Variants in CCDC39 observed in about 807,000 individuals in gnomAD.
CCDC39 encodes coiled-coil domain 39 molecular ruler complex subunit, also known as coiled-coil domain-containing protein 39.
Under a neutral mutation model 121.0 loss-of-function variants are expected in CCDC39, and 113 were observed. The ratio of observed to expected loss-of-function variants is 0.93; its 90% CI spans 0.80 to 1.09. The LOEUF is 1.09. Ranked by LOEUF, CCDC39 falls within the 50% of genes least tolerant of loss-of-function variation. The probability of loss-of-function intolerance (pLI) is 0.00; values close to 1 mark genes in which losing one functional copy is unlikely to be tolerated. For missense variants in CCDC39, 1,063 were observed against 1,074.7 expected (o/e 0.99, Z 0.15); for synonymous variants, 349 against 352.2 (o/e 0.99, Z 0.10).
intron 7 of CCDC39, among the ~76,000 whole-genome samples, chr3:180,653,993 C>T (rs1711522487): frequency 6.8e-6 from 1 of 146,564 alleles, no homozygotes; most frequent in Non-Finnish European, 1.5e-5. Flanking sequence ...TATTTTTTAT[C>T]AATTGTTGGT....
At chr3:180,620,599 C>A (rs1025214345) in intron 14 of CCDC39, among the ~76,000 whole-genome samples, 1 of 151,702 alleles carries the variant, frequency 6.6e-6, no homozygotes, top group Non-Finnish European at 1.5e-5. Flanking sequence ...TTCCAAAGAA[C>A]GTCCTAAAGG....
chr3:180,635,043 C>CAATT (rs1197339599), intron 13 of CCDC39, among the ~76,000 whole-genome samples: 47 of 152,302 alleles, frequency 3.1e-4, no homozygotes, highest in Admixed American at 2.7e-3. Flanking sequence ...CTCACAGTTC[C>CAATT]ACATGTCTGG....
chr3:180,625,236 T>A (rs536568266), intron 14 of CCDC39, among the ~76,000 whole-genome samples: 21 of 152,154 alleles, frequency 1.4e-4, no homozygotes, highest in African/African-American at 4.8e-4. Flanking sequence ...CTTTTTTTTT[T>A]AATTTGTCTG....
chr3:180,647,278 G>C (rs767850257), intron 10 of CCDC39, 35 bp from the exon 11 acceptor site: 14 of 1,437,854 alleles, frequency 9.7e-6, no homozygotes, highest in Non-Finnish European at 1.2e-5. Context: ...GTATTACAAA[G>C]AAAAAAAAAG....
At chr3:180,662,991 G>A (rs1711779710) in intron 2 of CCDC39, among the ~76,000 whole-genome samples, 1 of 152,074 alleles carries the variant, frequency 6.6e-6, no homozygotes, top group Non-Finnish European at 1.5e-5. Flanking sequence ...GCATCATTAG[G>A]GAGTGAGTTT....
At position 180,616,348 on chromosome 3, in the gene CCDC39, G is replaced by A; in HGVS notation, c.2602C>T (p.Pro868Ser). 1 of 1,612,808 alleles carries A rather than the reference G, an allele frequency of 6.2e-7. No homozygotes were observed. The highest frequency in any genetic ancestry group is 8.5e-7 in the Non-Finnish European group (1 of 1,179,098). ...TYFQQSGLEL[P>S]TASTKGSRQS... is the part of the protein sequence containing the mutation. ...CGACTGCCTTTTGTGCTAGCTGTAG[G>A]TAGTTCTAACCCACTCTGGAGGAAT... Residue 868 changes from proline (P) to serine (S), a missense_variant, in exon 19 of 20, where the codon CCT becomes TCT. Physicochemically the swap from Pro to Ser is moderately conservative, Grantham distance 74. Transcript: ENST00000476379.
chr3:180,664,386 G>A (rs1482548074), intron 1 of CCDC39, among the ~76,000 whole-genome samples: 2 of 152,140 alleles, frequency 1.3e-5, no homozygotes, highest in African/African-American at 4.8e-5. Context: ...GCTTCACCTC[G>A]AAATACCATC....
intron 12 of CCDC39, among the ~76,000 whole-genome samples, chr3:180,642,732 A>C (rs1201010167): frequency 6.6e-6 from 1 of 152,160 alleles, no homozygotes; most frequent in African/African-American, 2.4e-5. Flanking sequence ...GTGCACCAAA[A>C]ATATATTCTA....
chr3:180,626,967 A>G (rs1177340571), intron 14 of CCDC39, among the ~76,000 whole-genome samples: 1 of 152,200 alleles, frequency 6.6e-6, no homozygotes, highest in Non-Finnish European at 1.5e-5. Flanking sequence ...AAACAGACTT[A>G]CATTGAAAAA....
At chr3:180,662,249 C>T (rs1711759658) in intron 2 of CCDC39, among the ~76,000 whole-genome samples, 1 of 152,048 alleles carries the variant, frequency 6.6e-6, no homozygotes, top group Non-Finnish European at 1.5e-5. Flanking sequence ...CAATAGTTTT[C>T]AGATACTACG....
rs1560078359 is a variant in CCDC39, at chr3:180,614,985, G to GGGC, written c.2759_2761dup (p.Ser920_Pro921insArg). 1 of 1,565,786 alleles carries GGGC rather than the reference G, an allele frequency of 6.4e-7. No homozygotes were observed. Among genetic ancestry groups the GGGC allele is most frequent in the Non-Finnish European group, 8.7e-7 (1 of 1,153,288 alleles). ...ACTACTAGCACTAGATGGCCTAGAA[G>GGGC]GGCTGCCTACTAGTGAAGAGGAGGC... On this transcript the variant is annotated inframe_insertion, in exon 20 of 20. Coordinates refer to ENST00000476379, the MANE Select transcript of CCDC39 (RefSeq NM_181426.2).
intron 1 of CCDC39, among the ~76,000 whole-genome samples, chr3:180,667,143 A>G (rs1376382153): frequency 6.6e-6 from 1 of 152,170 alleles, no homozygotes; most frequent in Non-Finnish European, 1.5e-5. Context: ...CCAAATTCTG[A>G]AGTAAAATTA....
At chr3:180,661,713 G>T in intron 3 of CCDC39, 148 bp downstream of exon 3, 1 of 631,784 alleles carries the variant, frequency 1.6e-6, no homozygotes, top group Non-Finnish European at 2.7e-6. Flanking sequence ...ACAGCTCCAT[G>T]TGCCTTTCAC....
intron 6 of CCDC39, among the ~76,000 whole-genome samples, chr3:180,657,583 CAT>C (rs1215806131): frequency 6.6e-6 from 1 of 152,180 alleles, no homozygotes; most frequent in Admixed American, 6.5e-5. Context: ...GCTGTGTACT[CAT>C]GTCTTGATAC....
chr3:180,679,266 T>C lies in CCDC39; in HGVS notation c.90+25A>G, dbSNP rs1016584172. On this transcript the variant is annotated intron_variant, in intron 1 of 19. Transcript: ENST00000476379. The surrounding 1 kb of genome is among the most constrained non-coding windows in gnomAD (Gnocchi z 4.0). The stretch of plus-strand genomic sequence containing the variant: ...CCCCCAACAGGCTCTCTCTGCTTCC[T>C]CCCGCCTGCTTCAATTGATCTCACC... 1.9e-5 allele frequency: 31 copies of C among 1,600,972 alleles called. No homozygotes were observed. The highest frequency in any genetic ancestry group is 2.7e-5 in the Non-Finnish European group (31 of 1,168,140).
In CCDC39 at chr3:180,648,350, C is replaced by T. The variant is rs770638500; in HGVS notation, c.1177G>A (p.Val393Ile). 7.7e-6 allele frequency: 12 copies of T among 1,549,882 alleles called. No homozygotes were observed. In the South Asian group the frequency reaches 1.5e-4, roughly 19 times the overall value. ...ACACCTTTTATGAGGTTCAGTTGAA[C>T]ATCTACTTCCTGATAATGAGAATTA... is the stretch of plus-strand genomic sequence containing the variant. ...EEEKDVKEVD[V>I]QLNLIKGVLF... Residue 393 changes from valine to isoleucine, a missense_variant, in exon 10 of 20, where the codon GTT becomes ATT. Val to Ile is a conservative substitution (Grantham distance 29). Transcript: ENST00000476379.
chr3:180,659,682 C>A lies in CCDC39; in HGVS notation c.604G>T (p.Ala202Ser), dbSNP rs61733578. ...LDNELTETIS[A>S]QLELDKAAQD... is the part of the protein sequence containing the mutation. ...AAAATCTTCCTTAAACTAACCTGTG[C>A]GCTTATAGTCTCTGTAAGTTCGTTG... The change falls in exon 5 of 20, where the codon GCA (alanine) becomes TCA (serine). Residue 202 changes from alanine (A) to serine (S), a missense_variant. Coordinates refer to ENST00000476379, the MANE Select transcript of CCDC39 (RefSeq NM_181426.2). 5 of 1,608,374 alleles carry A rather than the reference C, an allele frequency of 3.1e-6. No homozygotes were observed. Among genetic ancestry groups the A allele is most frequent in the Non-Finnish European group, 4.2e-6 (5 of 1,178,116 alleles).
chr3:180,654,053 CAA>C (rs578183788), intron 7 of CCDC39, among the ~76,000 whole-genome samples: 2 of 124,356 alleles, frequency 1.6e-5, no homozygotes. Flanking sequence ...ACTGTACTGG[CAA>C]AAAAAAAAAA....
In CCDC39 at chr3:180,647,059, A is replaced by T. The variant is rs775541584; in HGVS notation, c.1527+20T>A. The T allele has an allele frequency of 6.3e-7, 1 of 1,595,246 alleles. No individual in the cohort carries two copies. Among genetic ancestry groups the T allele is most frequent in the Non-Finnish European group, 8.5e-7 (1 of 1,173,940 alleles). On this transcript the variant is annotated intron_variant, in intron 11 of 19. Transcript: ENST00000476379. ...ATGACTAGGATATTTGAAATATAAA[A>T]TGTATTTTGGCTAAGTTACATGAAG...
Sources: allele counts gnomAD v4.1 joint callset (sites outside exome capture counted in the v4.1 genomes callset), GRCh38; gene constraint gnomAD v4.1.1; non-coding constraint Gnocchi (gnomAD v3.1); transcripts MANE v1.5; gene names NCBI Gene and HGNC (gene_info 2026-07-23, HGNC 2026-07-21).